Variants in USP30 observed in about 807,000 individuals in gnomAD.
The protein encoded by USP30 is ubiquitin carboxyl-terminal hydrolase 30.
USP30 carries 41 observed loss-of-function variants against 68.2 expected under a neutral mutation model. The observed-to-expected ratio is 0.60, with a 90% confidence interval of 0.47 to 0.78. The LOEUF (loss-of-function observed/expected upper bound fraction) is 0.78, where lower values mean the gene tolerates loss of function less well. Ranked by LOEUF, USP30 falls within the 30% of genes least tolerant of loss-of-function variation. The pLI is 0.00. For synonymous variants in USP30, 229 were observed against 253.7 expected (o/e 0.90, Z 0.93); for missense variants, 522 against 649.4 (o/e 0.80, Z 2.13).
At chr12:109,059,576 C>T (rs2135725372) in intron 3 of USP30, among the ~76,000 whole-genome samples, 1 of 152,234 alleles carries the variant, frequency 6.6e-6, no homozygotes, top group East Asian at 1.9e-4. Context: ...TGCAGTAGCA[C>T]GATCTCAGCT....
chr12:109,082,189 T>C (rs982541027), intron 9 of USP30, among the ~76,000 whole-genome samples, 170 bp downstream of exon 9: 5 of 152,250 alleles, frequency 3.3e-5, no homozygotes, highest in African/African-American at 1.2e-4. Context: ...CCAAATCTCT[T>C]TCCCAGATGA....
intron 3 of USP30, among the ~76,000 whole-genome samples, chr12:109,062,430 G>A (rs191584193): frequency 1.3e-5 from 2 of 151,422 alleles, no homozygotes; most frequent in African/African-American, 2.4e-5. Context: ...CACCTCCTGG[G>A]TTCAAGCTAG....
At chr12:109,039,293 T>C (rs2040545458) in intron 3 of USP30, among the ~76,000 whole-genome samples, 1 of 152,212 alleles carries the variant, frequency 6.6e-6, no homozygotes, top group South Asian at 2.1e-4. Flanking sequence ...TCTTTTACAA[T>C]AGTGTACCTT....
At chr12:109,078,544 A>G (rs2041683944) in intron 7 of USP30, among the ~76,000 whole-genome samples, 1 of 151,854 alleles carries the variant, frequency 6.6e-6, no homozygotes, top group South Asian at 2.1e-4. Context: ...GGTTGCAGTG[A>G]GCCGAGATCA....
At chr12:109,048,818 T>A (rs560542360), upstream of USP30, among the ~76,000 whole-genome samples, 1 of 152,214 alleles carries the variant, frequency 6.6e-6, no homozygotes, top group South Asian at 2.1e-4. Flanking sequence ...CAGGGGTGTG[T>A]AACGCAATCC....
At chr12:109,044,042 G>A (rs1431790387) in intron 3 of USP30, among the ~76,000 whole-genome samples, 1 of 152,192 alleles carries the variant, frequency 6.6e-6, no homozygotes, top group Non-Finnish European at 1.5e-5. Flanking sequence ...TAAAAAGGAA[G>A]GAAATTCTGC....
At chr12:109,048,097 G>C (rs1285977278), upstream of USP30, among the ~76,000 whole-genome samples, 1 of 91,472 alleles carries the variant, frequency 1.1e-5, no homozygotes, top group Non-Finnish European at 2.1e-5. Context: ...TTTTTTTTTT[G>C]AGACATGGTC....
chr12:109,071,692 T>C lies in USP30; in HGVS notation c.561T>C (p.Phe187=), dbSNP rs771361539. 1 of 1,614,182 alleles carries C rather than the reference T, an allele frequency of 6.2e-7. No individual in the cohort carries two copies. The highest frequency in any genetic ancestry group is 2.2e-5 in the East Asian group (1 of 44,878). ...GCCAGCCTCGGGTCACACATTTGTT[T>C]GATGTGCATTCCCTGGAGGTAAACC... The part of the protein sequence containing the change: ...RDRQPRVTHL[F]DVHSLEQQSE... Residue 187 remains phenylalanine (F), a synonymous_variant, in exon 5 of 13, where the codon TTT becomes TTC. Coordinates refer to ENST00000257548, the MANE Select transcript of USP30 (RefSeq NM_032663.5).
chr12:109,051,653 T>C (rs1288182780), upstream of USP30, among the ~76,000 whole-genome samples: 2 of 146,540 alleles, frequency 1.4e-5, no homozygotes, highest in African/African-American at 5.1e-5. Flanking sequence ...CAGTGCAACC[T>C]CCACCACCAC....
intron 3 of USP30, among the ~76,000 whole-genome samples, chr12:109,033,231 T>C (rs2040495236): frequency 6.6e-6 from 1 of 152,228 alleles, no homozygotes; most frequent in South Asian, 2.1e-4. Context: ...GAAGGAAGAA[T>C]TATACTTCAA....
At chr12:109,066,006 C>T (rs570740401) in intron 3 of USP30, among the ~76,000 whole-genome samples, 2 of 152,242 alleles carry the variant, frequency 1.3e-5, no homozygotes, top group Non-Finnish European at 2.9e-5. Flanking sequence ...AATCCCAGCA[C>T]GTTGGGAGGC....
At position 109,029,335 on chromosome 12, in the gene USP30, C is replaced by G. The variant is rs779012621; in HGVS notation, c.-136+1779C>G. Reference sequence around the variant, plus strand: ...CCGAGTTAGGTCAGAGGCACTCTCTCTGACAGACTAAAAGTTTTTAAGGGT... The same window carrying G: ...CCGAGTTAGGTCAGAGGCACTCTCTGTGACAGACTAAAAGTTTTTAAGGGT... On this transcript the variant is annotated intron_variant, in intron 3 of 15. Coordinates refer to the USP30 transcript ENST00000392784. Among the ~76,000 whole-genome samples the G allele has an allele frequency of 2.0e-5, 3 of 152,170 alleles. 1 individual carries two copies. The highest frequency in any genetic ancestry group is 7.2e-5 in the African/African-American group (3 of 41,434).
chr12:109,054,153 T>C, intron 1 of USP30: 1 of 428,342 alleles, frequency 2.3e-6, no homozygotes, highest in Admixed American at 2.7e-5. Context: ...GACAGTCCTT[T>C]ATAATCTTTC....
chr12:109,036,899 G>A (rs2040524941), intron 3 of USP30, among the ~76,000 whole-genome samples: 1 of 152,078 alleles, frequency 6.6e-6, no homozygotes, highest in Non-Finnish European at 1.5e-5. Context: ...GTGTCTAGAT[G>A]TGGACCTCTT....
chr12:109,076,237 C>T (rs918183499), intron 7 of USP30, among the ~76,000 whole-genome samples: 1 of 152,080 alleles, frequency 6.6e-6, no homozygotes, highest in African/African-American at 2.4e-5. Flanking sequence ...AGACATACAG[C>T]TGTTTATATA....
intron 2 of USP30, among the ~76,000 whole-genome samples, chr12:109,026,362 ACCAGAC>A (rs937282012): frequency 2.0e-5 from 3 of 151,610 alleles, no homozygotes; most frequent in Admixed American, 6.6e-5. Context: ...GTTGTGAGCC[ACCAGAC>A]CTGGCCTAAA....
At chr12:109,038,395 C>T (rs1341566410) in intron 3 of USP30, among the ~76,000 whole-genome samples, 1 of 152,076 alleles carries the variant, frequency 6.6e-6, no homozygotes, top group African/African-American at 2.4e-5. Context: ...TGTCTGTATC[C>T]AGTCTATCAT....
upstream of USP30, among the ~76,000 whole-genome samples, chr12:109,050,187 G>A (rs1050527371): frequency 6.6e-6 from 1 of 151,958 alleles, no homozygotes; most frequent in Admixed American, 6.6e-5. Flanking sequence ...CCAGCTACTC[G>A]GGAGGCTGAG....
At chr12:109,073,320 T>C in intron 6 of USP30, 118 bp from the exon 7 acceptor site, 1 of 693,926 alleles carries the variant, frequency 1.4e-6, no homozygotes, top group South Asian at 1.8e-5. Context: ...TCAATGTACT[T>C]TTCAAGAATA....
Sources: gnomAD v4.1 joint callset for allele counts (sites outside exome capture counted in the v4.1 genomes callset) on GRCh38, gnomAD v4.1.1 for gene constraint, MANE v1.5 for transcripts, NCBI Gene and HGNC (gene_info 2026-07-23, HGNC 2026-07-21) for gene names.